ENOX1: variants seen among roughly 807,000 people sequenced by gnomAD.
The protein encoded by ENOX1 is ecto-NOX disulfide-thiol exchanger 1.
ENOX1 carries 42 observed loss-of-function variants against 82.5 expected under a neutral mutation model. The ratio of observed to expected loss-of-function variants is 0.51; its 90% confidence interval spans 0.40 to 0.66. The LOEUF is 0.66. ENOX1 is among the 30% of genes least tolerant of loss of function. ENOX1 has a pLI of 0.00. For synonymous variants in ENOX1, 271 were observed against 282.2 expected (o/e 0.96, Z 0.40); for missense variants, 608 against 811.6 (o/e 0.75, Z 3.05).
In ENOX1 at chr13:43,296,971, G is replaced by A. The variant is rs1430842912; in HGVS notation, c.1446+1375C>T. On this transcript the variant is annotated intron_variant, in intron 12 of 16. Coordinates refer to ENST00000690772, the MANE Select transcript of ENOX1 (RefSeq NM_001347969.2). Reference sequence around the variant, plus strand: ...TTGGGGCACATGGACAACCCCAGAAGTCTCACACAGCAGCTGTTACATCGA... The same window carrying A: ...TTGGGGCACATGGACAACCCCAGAAATCTCACACAGCAGCTGTTACATCGA... Among the ~76,000 whole-genome samples, 3 of 152,148 alleles carry A rather than the reference G, an allele frequency of 2.0e-5. No individual in the cohort carries two copies. The East Asian group carries it at 5.8e-4, about 29-fold the overall frequency.
intron 1 of ENOX1, among the ~76,000 whole-genome samples, chr13:43,745,016 G>T (rs1157711916): frequency 6.6e-6 from 1 of 152,242 alleles, no homozygotes; most frequent in Non-Finnish European, 1.5e-5. Context: ...ACTTGCAAAT[G>T]ATGATCATTT....
intron 7 of ENOX1, among the ~76,000 whole-genome samples, chr13:43,359,150 A>G (rs566246571): frequency 1.3e-5 from 2 of 151,846 alleles, no homozygotes; most frequent in African/African-American, 4.8e-5. Context: ...TGAAATGCAG[A>G]GGGACAGACT....
chr13:43,554,487 G>T (rs2079347517), intron 2 of ENOX1, among the ~76,000 whole-genome samples: 1 of 152,158 alleles, frequency 6.6e-6, no homozygotes, highest in South Asian at 2.1e-4. Flanking sequence ...TGTATCTCCA[G>T]TTCCAAAATG....
intron 13 of ENOX1, among the ~76,000 whole-genome samples, chr13:43,268,752 C>T (rs574416029): frequency 2.0e-5 from 3 of 152,158 alleles, no homozygotes; most frequent in Admixed American, 6.5e-5. Context: ...CTGTATGCAA[C>T]TTTTTCCTTC....
intron 3 of ENOX1, among the ~76,000 whole-genome samples, chr13:43,423,603 C>G (rs1247430044): frequency 6.6e-6 from 1 of 152,156 alleles, no homozygotes; most frequent in Non-Finnish European, 1.5e-5. Context: ...CCAGATAGTC[C>G]TAAGAGTTCA....
intron 8 of ENOX1, among the ~76,000 whole-genome samples, chr13:43,353,667 C>CT (rs1347256399): frequency 6.6e-6 from 1 of 152,216 alleles, no homozygotes; most frequent in African/African-American, 2.4e-5. Context: ...ATTCCAAACT[C>CT]TATGCTTGGG....
intron 9 of ENOX1, among the ~76,000 whole-genome samples, chr13:43,333,738 T>A (rs575011129): frequency 2.4e-4 from 36 of 152,368 alleles, no homozygotes; most frequent in African/African-American, 8.4e-4. Context: ...TTCTTCAGCC[T>A]CAGCCTTCCG....
chr13:43,445,374 T>C (rs142577636), intron 3 of ENOX1, among the ~76,000 whole-genome samples: 2,433 of 152,182 alleles, frequency 0.016, 34 homozygotes, highest in Non-Finnish European at 0.024. Flanking sequence ...CTGCCCGCCT[T>C]GGCCTCCCAA....
intron 2 of ENOX1, among the ~76,000 whole-genome samples, chr13:43,659,801 A>C (rs2084631565): frequency 6.6e-6 from 1 of 152,192 alleles, no homozygotes; most frequent in Admixed American, 6.5e-5. Context: ...AGTTTCCTGC[A>C]GGAAAGGTAT....
At chr13:43,524,544 ATCT>A (rs1057001841) in intron 2 of ENOX1, among the ~76,000 whole-genome samples, 29 of 151,924 alleles carry the variant, frequency 1.9e-4, no homozygotes, top group African/African-American at 5.1e-4. Flanking sequence ...CTCTGCTCCC[ATCT>A]TCTTCTACTT....
At chr13:43,624,222 C>T (rs2082870000) in intron 2 of ENOX1, among the ~76,000 whole-genome samples, 1 of 152,184 alleles carries the variant, frequency 6.6e-6, no homozygotes, top group Non-Finnish European at 1.5e-5. Context: ...TCTCTATATA[C>T]TCTTCAGTAA....
chr13:43,420,832 A>G (rs2054930716), intron 3 of ENOX1, among the ~76,000 whole-genome samples: 1 of 152,166 alleles, frequency 6.6e-6, no homozygotes, highest in Non-Finnish European at 1.5e-5. Flanking sequence ...TCAAGAAAAG[A>G]ATGAAAAGGT....
At chr13:43,509,296 C>G (rs1178082506) in intron 2 of ENOX1, among the ~76,000 whole-genome samples, 4 of 152,062 alleles carry the variant, frequency 2.6e-5, no homozygotes, top group African/African-American at 9.7e-5. Flanking sequence ...GAACACTGGT[C>G]TCTCTGCTCA....
At chr13:43,496,968 CAT>C (rs2076819088) in intron 2 of ENOX1, among the ~76,000 whole-genome samples, 1 of 152,052 alleles carries the variant, frequency 6.6e-6, no homozygotes, top group South Asian at 2.1e-4. Context: ...ACCAAAAAAA[CAT>C]AAACTTTTGG....
chr13:43,763,872 T>G (rs1175260803), intron 1 of ENOX1, among the ~76,000 whole-genome samples: 1 of 152,186 alleles, frequency 6.6e-6, no homozygotes. Flanking sequence ...TGGAACAACA[T>G]AAAATGTGAA....
chr13:43,536,304 T>C (rs976275569), intron 2 of ENOX1, among the ~76,000 whole-genome samples: 4 of 152,234 alleles, frequency 2.6e-5, no homozygotes, highest in Non-Finnish European at 4.4e-5. Context: ...CTCTAGCCGA[T>C]TGCTTTCCAT....
intron 2 of ENOX1, among the ~76,000 whole-genome samples, chr13:43,564,487 G>A (rs2079831424): frequency 1.3e-5 from 2 of 151,918 alleles, no homozygotes; most frequent in Admixed American, 1.3e-4. Context: ...TTGAGGAGGA[G>A]GCCTAAAATA....
intron 3 of ENOX1, among the ~76,000 whole-genome samples, chr13:43,461,711 C>T (rs1181597787): frequency 6.6e-6 from 1 of 151,952 alleles, no homozygotes; most frequent in Non-Finnish European, 1.5e-5. Context: ...ATAAAAACTA[C>T]AAAAAGGGAG....
At chr13:43,579,753 G>A (rs1414357934) in intron 2 of ENOX1, among the ~76,000 whole-genome samples, 1 of 152,150 alleles carries the variant, frequency 6.6e-6, no homozygotes, top group Non-Finnish European at 1.5e-5. Context: ...CAAAGACTTT[G>A]AGATCTTCAA....
Sources: allele counts gnomAD v4.1 joint callset (sites outside exome capture counted in the v4.1 genomes callset), GRCh38; gene constraint gnomAD v4.1.1; transcripts MANE v1.5; gene names NCBI Gene and HGNC (gene_info 2026-07-23, HGNC 2026-07-21).